Variants in CNTN3 observed in about 807,000 individuals in gnomAD.
CNTN3 encodes contactin 3, also known as contactin-3.
A neutral mutation model predicts 119.1 loss-of-function variants in CNTN3; 60 were observed. The observed-to-expected ratio is 0.50, with a 90% confidence interval of 0.41 to 0.62. The LOEUF is 0.62. CNTN3 is among the 20% of genes least tolerant of loss of function. The pLI, the probability that CNTN3 is intolerant of heterozygous loss-of-function variation, is 0.00. For missense variants in CNTN3, 1,101 were observed against 1,242.4 expected (o/e 0.89, Z 1.71); for synonymous variants, 450 against 438.7 (o/e 1.03, Z -0.32).
At chr3:74,515,324 G>A (rs907460332) in intron 2 of CNTN3, among the ~76,000 whole-genome samples, 1 of 152,024 alleles carries the variant, frequency 6.6e-6, no homozygotes, top group Non-Finnish European at 1.5e-5. Flanking sequence ...TCAAGTGATA[G>A]TGGTCATTAC....
intron 5 of CNTN3, among the ~76,000 whole-genome samples, chr3:74,420,531 T>C (rs1251219536): frequency 1.3e-5 from 2 of 152,240 alleles, no homozygotes; most frequent in Non-Finnish European, 2.9e-5. Context: ...AACATTTAGT[T>C]AACTCTGGAG....
intron 1 of CNTN3, among the ~76,000 whole-genome samples, chr3:74,588,331 A>C (rs1391329676): frequency 6.6e-6 from 1 of 152,158 alleles, no homozygotes; most frequent in Non-Finnish European, 1.5e-5. Flanking sequence ...AGAGAGCCAA[A>C]TCATGAGTGA....
At chr3:74,593,457 T>C (rs1449196818) in intron 1 of CNTN3, among the ~76,000 whole-genome samples, 1 of 152,020 alleles carries the variant, frequency 6.6e-6, no homozygotes, top group African/African-American at 2.4e-5. Flanking sequence ...TATAAAAATG[T>C]AACATAATTA....
At chr3:74,449,404 C>CAA (rs35918671) in intron 4 of CNTN3, among the ~76,000 whole-genome samples, 36 of 151,400 alleles carry the variant, frequency 2.4e-4, no homozygotes, top group Middle Eastern at 3.4e-3. Context: ...TCTGCTGAAT[C>CAA]AAAAAAAATG....
At chr3:74,584,409 G>C (rs1201683539) in intron 1 of CNTN3, among the ~76,000 whole-genome samples, 1 of 152,096 alleles carries the variant, frequency 6.6e-6, no homozygotes, top group East Asian at 1.9e-4. Context: ...GGAGTGTTTA[G>C]ATTATGGGGA....
At chr3:74,285,095 C>G (rs1056791321) in intron 20 of CNTN3, among the ~76,000 whole-genome samples, 7 of 152,066 alleles carry the variant, frequency 4.6e-5, no homozygotes, top group Non-Finnish European at 1.0e-4. Flanking sequence ...TCAGAAGGTG[C>G]ACGTTCATTT....
At chr3:74,436,788 T>C (rs376719931) in intron 4 of CNTN3, among the ~76,000 whole-genome samples, 1 of 152,200 alleles carries the variant, frequency 6.6e-6, no homozygotes, top group Non-Finnish European at 1.5e-5. Context: ...GTTTATTCTA[T>C]TTCTGTACCC....
intron 5 of CNTN3, among the ~76,000 whole-genome samples, chr3:74,412,619 T>C (rs910788662): frequency 2.2e-4 from 34 of 152,178 alleles, no homozygotes; most frequent in African/African-American, 5.3e-4. Flanking sequence ...AAGAATATCC[T>C]TAAAGGAGGA....
intron 1 of CNTN3, among the ~76,000 whole-genome samples, chr3:74,564,598 G>A (rs1261288618): frequency 6.6e-6 from 1 of 150,600 alleles, no homozygotes; most frequent in East Asian, 1.9e-4. Flanking sequence ...GGTCCTGTAC[G>A]GGTACTGGAA....
intron 5 of CNTN3, among the ~76,000 whole-genome samples, chr3:74,382,711 A>G (rs1362389725): frequency 2.0e-5 from 3 of 152,182 alleles, no homozygotes; most frequent in Non-Finnish European, 4.4e-5. Context: ...CTCCTTTGTA[A>G]AGGCTTAAGA....
chr3:74,529,055 C>T (rs1454543474), intron 1 of CNTN3, among the ~76,000 whole-genome samples: 1 of 151,718 alleles, frequency 6.6e-6, no homozygotes, highest in East Asian at 1.9e-4. Context: ...ATATACAGCA[C>T]ATATATTTAT....
chr3:74,559,152 C>T (rs1335725036), intron 1 of CNTN3, among the ~76,000 whole-genome samples: 1 of 152,038 alleles, frequency 6.6e-6, no homozygotes. Context: ...AGGGCCTAAA[C>T]CCCAGTTCTG....
chr3:74,361,224 A>G (rs1314159071), intron 11 of CNTN3, among the ~76,000 whole-genome samples: 1 of 152,226 alleles, frequency 6.6e-6, no homozygotes, highest in Non-Finnish European at 1.5e-5. Flanking sequence ...TGCTTTATTA[A>G]TATTTATGTA....
At chr3:74,591,651 G>A (rs1704704883) in intron 1 of CNTN3, among the ~76,000 whole-genome samples, 1 of 151,812 alleles carries the variant, frequency 6.6e-6, no homozygotes, top group Non-Finnish European at 1.5e-5. Context: ...ATAAGTGAGT[G>A]GCCTGGAGAG....
chr3:74,372,184 G>A (rs1259662494), intron 5 of CNTN3, among the ~76,000 whole-genome samples: 1 of 152,004 alleles, frequency 6.6e-6, no homozygotes, highest in Non-Finnish European at 1.5e-5. Flanking sequence ...AGCGATGTTA[G>A]TTTTTATTTC....
chr3:74,455,798 T>G (rs1215803215), intron 4 of CNTN3, among the ~76,000 whole-genome samples: 2 of 151,928 alleles, frequency 1.3e-5, no homozygotes, highest in African/African-American at 4.8e-5. Flanking sequence ...AGCCCTGGTT[T>G]TCAAGCTTCA....
intron 11 of CNTN3, among the ~76,000 whole-genome samples, chr3:74,349,087 TA>T (rs534564364): frequency 0.03 from 4,176 of 137,124 alleles, 129 homozygotes; most frequent in African/African-American, 0.085. Context: ...CCCTGTCTCT[TA>T]AAAAAAAAAA....
chr3:74,411,565 G>T (rs1701438919), intron 5 of CNTN3, among the ~76,000 whole-genome samples: 1 of 152,088 alleles, frequency 6.6e-6, no homozygotes, highest in South Asian at 2.1e-4. Context: ...TTTTGAAAAA[G>T]TTTTCTTTTT....
At chr3:74,550,437 G>A (rs937363503) in intron 1 of CNTN3, among the ~76,000 whole-genome samples, 3 of 152,132 alleles carry the variant, frequency 2.0e-5, no homozygotes, top group Admixed American at 6.5e-5. Context: ...ACACCAGAAA[G>A]CATCTGCAAT....
Sources: gnomAD v4.1 joint callset for allele counts (sites outside exome capture counted in the v4.1 genomes callset) on GRCh38, gnomAD v4.1.1 for gene constraint, MANE v1.5 for transcripts, NCBI Gene and HGNC (gene_info 2026-07-23, HGNC 2026-07-21) for gene names.